GRK3: variants seen among roughly 807,000 people sequenced by gnomAD.
GRK3 encodes the protein G protein-coupled receptor kinase 3.
In GRK3, 54 loss-of-function variants were observed where a neutral mutation model predicts 95.7. The observed-to-expected ratio is 0.56, with a 90% CI of 0.45 to 0.71. The LOEUF is 0.71. GRK3 is among the 30% of genes least tolerant of loss of function. GRK3 has a pLI of 0.00. For missense variants in GRK3, 649 were observed against 851.2 expected (o/e 0.76, Z 2.96); for synonymous variants, 281 against 290.8 (o/e 0.97, Z 0.34).
rs552269314 is a variant in GRK3, at chr22:25,712,495, A to G, written c.1491+1332A>G. 2.6e-5 allele frequency among the ~76,000 whole-genome samples: 4 copies of G among 152,388 alleles called. No individual in the cohort carries two copies. The South Asian group carries it at 8.3e-4, about 32-fold the overall frequency. The stretch of plus-strand genomic sequence containing the variant: ...CTGTATACCACTATCTGTCCGTCAG[A>G]GTACTAAAAATAAAACACTATTACG... On this transcript the variant is annotated intron_variant, in intron 17 of 20. Coordinates refer to ENST00000324198, the MANE Select transcript of GRK3 (RefSeq NM_005160.4).
At chr22:25,629,546 A>ATGTCTT (rs1318033830) in intron 2 of GRK3, among the ~76,000 whole-genome samples, 3 of 152,180 alleles carry the variant, frequency 2.0e-5, no homozygotes, top group African/African-American at 2.4e-5. Context: ...GATGACTTCG[A>ATGTCTT]TGTCTTTTCT....
chr22:25,567,899 A>G (rs754352030), intron 1 of GRK3, among the ~76,000 whole-genome samples: 101 of 152,360 alleles, frequency 6.6e-4, no homozygotes, highest in Non-Finnish European at 1.2e-3. Flanking sequence ...GTCTCAGAAA[A>G]TGGAACATTC....
intron 5 of GRK3, among the ~76,000 whole-genome samples, chr22:25,667,520 G>A (rs2084950320): frequency 6.6e-6 from 1 of 152,182 alleles, no homozygotes. Flanking sequence ...TGGCAAACAG[G>A]GCAGACTTGT....
chr22:25,587,647 C>T (rs1348867014), intron 1 of GRK3, among the ~76,000 whole-genome samples: 1 of 152,036 alleles, frequency 6.6e-6, no homozygotes, highest in African/African-American at 2.4e-5. Context: ...TGTATCCCCA[C>T]CCAAATCTCA....
intron 3 of GRK3, among the ~76,000 whole-genome samples, chr22:25,653,957 G>C (rs977045421): frequency 2.0e-5 from 3 of 152,180 alleles, no homozygotes; most frequent in African/African-American, 7.2e-5. Flanking sequence ...AAAGTGCTGG[G>C]ATTACAGGCG....
chr22:25,590,481 T>G (rs1444720237), intron 1 of GRK3, among the ~76,000 whole-genome samples: 1 of 152,136 alleles, frequency 6.6e-6, no homozygotes, highest in Non-Finnish European at 1.5e-5. Flanking sequence ...TTGTGTAGTT[T>G]CCCCACACTC....
At chr22:25,663,374 C>G (rs1569184286) in intron 4 of GRK3, among the ~76,000 whole-genome samples, 1 of 152,118 alleles carries the variant, frequency 6.6e-6, no homozygotes, top group Non-Finnish European at 1.5e-5. Context: ...TTGAACCCTT[C>G]TGGAATTGCA....
At chr22:25,649,707 A>G (rs1456086420) in intron 3 of GRK3, among the ~76,000 whole-genome samples, 2 of 152,178 alleles carry the variant, frequency 1.3e-5, no homozygotes, top group African/African-American at 2.4e-5. Flanking sequence ...ATTATTCTCA[A>G]AAGTTTTTTC....
chr22:25,640,376 TTGTC>T (rs2084734334), intron 2 of GRK3, among the ~76,000 whole-genome samples: 1 of 152,228 alleles, frequency 6.6e-6, no homozygotes, highest in Non-Finnish European at 1.5e-5. Flanking sequence ...TATTTCTTTG[TTGTC>T]TGTCTCTTAC....
chr22:25,593,253 C>A (rs1205685672), intron 1 of GRK3, among the ~76,000 whole-genome samples: 1 of 151,780 alleles, frequency 6.6e-6, no homozygotes, highest in Non-Finnish European at 1.5e-5. Context: ...TTTGGGAAAT[C>A]TCCAAACAGC....
chr22:25,725,806 G>A lies in GRK3; in HGVS notation c.*3356G>A, dbSNP rs1054052160. The A allele has an allele frequency of 1.1e-4, 40 of 369,174 alleles. No homozygotes were observed. The Admixed American group carries it at 1.1e-3, about 11-fold the overall frequency. The allele number at this position is 369,174 out of a possible 1,614,324, so 22.9% of individuals were successfully genotyped here. On this transcript the variant is annotated 3_prime_UTR_variant, in exon 21 of 21. Coordinates refer to ENST00000324198, the MANE Select transcript of GRK3 (RefSeq NM_005160.4). ...CTAAAAATACAAATAAAAATTAGCC[G>A]GGCGTGGTGGCGGGCGCCTGTAGTC...
rs1408166797 is a variant in GRK3 at position 25,725,945 on chromosome 22, T to G, written c.*3495T>G. 5.0e-6 allele frequency: 1 copy of G among 200,808 alleles called. No individual in the cohort carries two copies. Among genetic ancestry groups the G allele is most frequent in the Non-Finnish European group, 9.9e-6 (1 of 100,938 alleles). 12.4% of individuals were successfully genotyped at this position (200,808 alleles called of 1,614,324 possible). ...GCCTGGGCGACAGAGCGAGACTCTG[T>G]CTCAAAAAAAAAAAGGAGGGGGGCT... On this transcript the variant is annotated 3_prime_UTR_variant, in exon 21 of 21. Transcript: ENST00000324198.
intron 1 of GRK3, among the ~76,000 whole-genome samples, chr22:25,569,940 G>A (rs1164638752): frequency 6.6e-6 from 1 of 152,244 alleles, no homozygotes. Context: ...GACAGTGGGA[G>A]AGGCAGGAGG....
intron 2 of GRK3, among the ~76,000 whole-genome samples, chr22:25,607,211 GT>G (rs1220150772): frequency 6.6e-6 from 1 of 152,042 alleles, no homozygotes; most frequent in Non-Finnish European, 1.5e-5. Flanking sequence ...CAGTCACAGC[GT>G]TTTGTGCTAT....
At chr22:25,566,810 C>T (rs1931505392) in intron 1 of GRK3, among the ~76,000 whole-genome samples, 1 of 152,062 alleles carries the variant, frequency 6.6e-6, no homozygotes, top group Non-Finnish European at 1.5e-5. Flanking sequence ...CTTGCCTTTC[C>T]TAGTGTCCCT....
chr22:25,639,454 A>T (rs1465976544), intron 2 of GRK3, among the ~76,000 whole-genome samples: 1 of 152,196 alleles, frequency 6.6e-6, no homozygotes, highest in African/African-American at 2.4e-5. Context: ...AATTGACTAT[A>T]TAAATGTGGG....
intron 1 of GRK3, among the ~76,000 whole-genome samples, chr22:25,594,833 C>T (rs554668492): frequency 5.9e-5 from 9 of 151,828 alleles, no homozygotes; most frequent in African/African-American, 1.7e-4. Context: ...GAGCTGAGAT[C>T]GCGCCACTGC....
At chr22:25,579,030 A>T (rs1932007218) in intron 1 of GRK3, among the ~76,000 whole-genome samples, 1 of 151,942 alleles carries the variant, frequency 6.6e-6, no homozygotes, top group African/African-American at 2.4e-5. Flanking sequence ...CAAGGCACCT[A>T]CTCTGTCTCT....
chr22:25,655,206 T>C (rs1271443169), intron 3 of GRK3, among the ~76,000 whole-genome samples: 2 of 152,174 alleles, frequency 1.3e-5, no homozygotes, highest in Admixed American at 1.3e-4. Context: ...CCATTTCCCA[T>C]GTTAAAGTTC....
Sources: allele counts gnomAD v4.1 joint callset (sites outside exome capture counted in the v4.1 genomes callset), GRCh38; gene constraint gnomAD v4.1.1; transcripts MANE v1.5; gene names NCBI Gene and HGNC (gene_info 2026-07-23, HGNC 2026-07-21).